Variants in SRD5A3 observed in about 807,000 individuals in gnomAD.
SRD5A3 encodes the protein steroid 5 alpha-reductase 3.
SRD5A3 carries 24 observed loss-of-function variants against 34.3 expected under a neutral mutation model. The observed-to-expected ratio is 0.70, with a 90% CI of 0.51 to 0.99. SRD5A3 has a LOEUF of 0.99. Among genes scored for constraint, SRD5A3 ranks in the 50% least tolerant of loss-of-function variants. SRD5A3 has a pLI of 0.00. For missense variants in SRD5A3, 350 were observed against 388.2 expected (o/e 0.90, Z 0.83); for synonymous variants, 161 against 167.3 (o/e 0.96, Z 0.29).
intron 4 of SRD5A3, 84 bp from the exon 5 acceptor site, chr4:55,369,748 T>C (rs1485157351): frequency 1.3e-6 from 2 of 1,504,224 alleles, no homozygotes; most frequent in Non-Finnish European, 9.1e-7. Flanking sequence ...AAAAAAAAAA[T>C]TCTGTAAATG....
intron 1 of SRD5A3, 82 bp from the exon 2 acceptor site, chr4:55,359,264 G>C (rs1401377030): frequency 1.3e-6 from 2 of 1,583,900 alleles, no homozygotes; most frequent in African/African-American, 2.7e-5. Context: ...GGGAAAGACA[G>C]AGAAACTAAA....
chr4:55,351,130 T>G lies in SRD5A3; in HGVS notation c.221+4573T>G, dbSNP rs185150729. On this transcript the variant is annotated intron_variant, in intron 1 of 4. Transcript: ENST00000264228. Reference sequence around the variant, plus strand: ...TCTTGTTGCCCAGGCCAGAGTGCAATGGCGCAATATCGGCTCACTGCAACC... The same window carrying G: ...TCTTGTTGCCCAGGCCAGAGTGCAAGGGCGCAATATCGGCTCACTGCAACC... Among the ~76,000 whole-genome samples, 611 of 149,772 alleles carry G rather than the reference T, an allele frequency of 4.1e-3. 3 individuals are homozygous for G. Among genetic ancestry groups the G allele is most frequent in the Middle Eastern group, 0.01 (3 of 288 alleles).
intron 3 of SRD5A3, 136 bp from the exon 4 acceptor site, chr4:55,367,452 T>G: frequency 9.7e-7 from 1 of 1,034,396 alleles, no homozygotes. Context: ...TTCCCCTCTT[T>G]GTACTTGGGA....
Position 55,364,181 on chromosome 4 carries a change from A to C in SRD5A3, c.472A>C (p.Ile158Leu). 1.9e-6 allele frequency: 3 copies of C among 1,614,088 alleles called. No homozygotes were observed. The highest frequency in any genetic ancestry group is 2.5e-6 in the Non-Finnish European group (3 of 1,180,022). Reference sequence around the variant, plus strand: ...CGTCAGTGTCTTCTCCAATGTCATGATTCACGTCGTGCAGTACTGTTTTGG... The same window carrying C: ...CGTCAGTGTCTTCTCCAATGTCATGCTTCACGTCGTGCAGTACTGTTTTGG... The part of the protein sequence containing the change: ...LYVSVFSNVM[I>L]HVVQYCFGLV... The change falls in exon 3 of 5, where the codon ATT (isoleucine) becomes CTT (leucine). Residue 158 changes from isoleucine to leucine, a missense_variant. Coordinates refer to ENST00000264228, the MANE Select transcript of SRD5A3 (RefSeq NM_024592.5).
At chr4:55,362,891 G>A (rs1236475629) in intron 2 of SRD5A3, among the ~76,000 whole-genome samples, 2 of 149,374 alleles carry the variant, frequency 1.3e-5, no homozygotes, top group East Asian at 3.9e-4. Context: ...CTATCTCCCA[G>A]GCTGATTGCA....
intron 1 of SRD5A3, among the ~76,000 whole-genome samples, chr4:55,356,689 C>A (rs1465945450): frequency 6.7e-6 from 1 of 149,898 alleles, no homozygotes; most frequent in African/African-American, 2.4e-5. Flanking sequence ...GTTGCTCAGG[C>A]TAGAGGGATT....
chr4:55,364,313 T>C (rs368471012), intron 3 of SRD5A3, 42 bp downstream of exon 3: 3 of 1,602,520 alleles, frequency 1.9e-6, no homozygotes, highest in Non-Finnish European at 2.6e-6. Context: ...CACCCCAGGG[T>C]GTATGATGCG....
At chr4:55,354,974 A>AT (rs1189562604) in intron 1 of SRD5A3, among the ~76,000 whole-genome samples, 1 of 152,232 alleles carries the variant, frequency 6.6e-6, no homozygotes, top group Non-Finnish European at 1.5e-5. Context: ...AGCACCTTGT[A>AT]TTATCCTATA....
chr4:55,358,956 C>A (rs565865261), intron 1 of SRD5A3: 1 of 227,344 alleles, frequency 4.4e-6, no homozygotes, highest in African/African-American at 2.3e-5. Context: ...ATATAGAAAT[C>A]AAAATCTTTC....
chr4:55,359,250 G>A (rs1719584808), intron 1 of SRD5A3, 96 bp from the exon 2 acceptor site: 9 of 1,511,016 alleles, frequency 6.0e-6, no homozygotes, highest in South Asian at 3.4e-5. Flanking sequence ...GGAATGGAGG[G>A]GTGGGGAAAG....
chr4:55,370,288 A>G lies in SRD5A3; in HGVS notation c.*197A>G. The stretch of plus-strand genomic sequence containing the variant: ...AATCTCCAAAGTATCTTCAAAGAAT[A>G]AATACTAATGGCAGATCTGCGATTT... On this transcript the variant is annotated 3_prime_UTR_variant, in exon 5 of 5. Coordinates refer to ENST00000264228, the MANE Select transcript of SRD5A3 (RefSeq NM_024592.5). The G allele has an allele frequency of 1.4e-6, 1 of 704,026 alleles. No individual in the cohort carries two copies. The highest frequency in any genetic ancestry group is 2.8e-5 in the Admixed American group (1 of 35,206). 43.6% of individuals were successfully genotyped at this position (704,026 alleles called of 1,614,324 possible). A position where few individuals can be genotyped will look rare whatever the true frequency, so the allele number is the denominator to read the frequency against.
chr4:55,367,711 A>G lies in SRD5A3; in HGVS notation c.686A>G (p.Lys229Arg), dbSNP rs775512921. 1.5e-5 allele frequency: 25 copies of G among 1,614,046 alleles called. No individual in the cohort carries two copies. The South Asian group carries it at 2.6e-4, about 17-fold the overall frequency. Residue 229 changes from lysine (K) to arginine (R), a missense_variant, in exon 4 of 5, where the codon AAA becomes AGA. Lys to Arg is a conservative substitution (Grantham distance 26, BLOSUM62 2). Around this residue, in one of 3 missense-constraint regions of SRD5A3, gnomAD observed 186 missense variants for 221.4 expected, o/e 0.84. Transcript: ENST00000264228. ...KCHVILGNLR[K>R]NKAGVVIHCN... ...CATGTTATTCTCGGCAATCTCAGGA[A>G]AAATAAAGCAGGTGAGACCTCTTTT...
rs1298455438 is a variant in SRD5A3, at chr4:55,364,072, A to G, written c.365-2A>G. The G allele has an allele frequency of 6.2e-7, 1 of 1,614,212 alleles. No homozygotes were observed. The highest frequency in any genetic ancestry group is 8.5e-7 in the Non-Finnish European group (1 of 1,180,016). ...CTGACCCTGTTGCCTTCTGAATTGT[A>G]GGAGGGGAGCTGGCACTGTCTGCAT... On this transcript the variant is annotated splice_acceptor_variant, in intron 2 of 4. Coordinates refer to ENST00000264228, the MANE Select transcript of SRD5A3 (RefSeq NM_024592.5). LOFTEE classifies it high-confidence loss of function.
intron 1 of SRD5A3, among the ~76,000 whole-genome samples, chr4:55,354,960 A>G (rs1719390446): frequency 1.3e-5 from 2 of 152,258 alleles, no homozygotes; most frequent in Non-Finnish European, 2.9e-5. Context: ...GGGAGTGCTC[A>G]TTCAGCACCT....
chr4:55,346,606 C>CG lies in SRD5A3; in HGVS notation c.221+53dup, dbSNP rs751515172. 1.4e-5 allele frequency: 21 copies of CG among 1,474,740 alleles called. No homozygotes were observed. The Admixed American group carries it at 4.9e-4, about 34-fold the overall frequency. The allele number at this position is 1,474,740 out of a possible 1,614,324, so 91.4% of individuals were successfully genotyped here. On this transcript the variant is annotated intron_variant, in intron 1 of 4. Transcript: ENST00000264228. Reference sequence around the variant, plus strand: ...CGCGGTGGTCAAGGCGCTGAGAGTTCGGGGCGCCCCGGCTCGCGGGCAGCC... The same window carrying CG: ...CGCGGTGGTCAAGGCGCTGAGAGTTCGGGGGCGCCCCGGCTCGCGGGCAGCC...
intron 2 of SRD5A3, among the ~76,000 whole-genome samples, chr4:55,362,569 C>T (rs1467835689): frequency 6.6e-6 from 1 of 152,030 alleles, no homozygotes; most frequent in Non-Finnish European, 1.5e-5. Context: ...GTCCTCCCTC[C>T]TCCACCTCTT....
chr4:55,362,369 G>A (rs1289963596), intron 2 of SRD5A3, among the ~76,000 whole-genome samples: 1 of 151,776 alleles, frequency 6.6e-6, no homozygotes, highest in African/African-American at 2.4e-5. Flanking sequence ...CTTGTGATCC[G>A]CCTGCCTCAG....
chr4:55,369,654 C>T (rs964626547), intron 4 of SRD5A3, 178 bp from the exon 5 acceptor site: 6 of 675,560 alleles, frequency 8.9e-6, no homozygotes, highest in Non-Finnish European at 1.5e-5. Context: ...TTGCCTGGGC[C>T]TGGAAGGTTG....
At chr4:55,359,151 G>A in intron 1 of SRD5A3, 195 bp from the exon 2 acceptor site, 1 of 655,160 alleles carries the variant, frequency 1.5e-6, no homozygotes, top group Non-Finnish European at 2.6e-6. Context: ...TTTCCTGAAA[G>A]TTAACTGGTC....
Sources: allele counts gnomAD v4.1 joint callset (sites outside exome capture counted in the v4.1 genomes callset), GRCh38; gene constraint gnomAD v4.1.1; regional missense constraint gnomAD v4.1.1; transcripts MANE v1.5; gene names NCBI Gene and HGNC (gene_info 2026-07-23, HGNC 2026-07-21).